CDC42BPA: variants seen among roughly 807,000 people sequenced by gnomAD.
The protein encoded by CDC42BPA is CDC42 binding protein kinase alpha.
CDC42BPA carries 80 observed loss-of-function variants against 223.5 expected under a neutral mutation model. The ratio of observed to expected loss-of-function variants is 0.36; its 90% CI spans 0.30 to 0.43. CDC42BPA has a LOEUF of 0.43. Among genes scored for constraint, CDC42BPA ranks in the 20% least tolerant of loss-of-function variants. The probability of loss-of-function intolerance (pLI) is 1.00; values close to 1 mark genes in which losing one functional copy is unlikely to be tolerated. For missense variants in CDC42BPA, 1,743 were observed against 2,099.9 expected (o/e 0.83, Z 3.32); for synonymous variants, 694 against 718.6 (o/e 0.97, Z 0.55).
chr1:227,038,032 T>C (rs1203140637), intron 24 of CDC42BPA, among the ~76,000 whole-genome samples: 1 of 152,212 alleles, frequency 6.6e-6, no homozygotes, highest in Admixed American at 6.5e-5. Flanking sequence ...CAATGCCTGA[T>C]ATGGTTTGGC....
intron 32 of CDC42BPA, among the ~76,000 whole-genome samples, chr1:227,018,132 G>A (rs1017460460): frequency 1.3e-5 from 2 of 151,622 alleles, no homozygotes; most frequent in African/African-American, 4.8e-5. Context: ...CTGCAGCCTC[G>A]ACCTCCTGGG....
rs114836371 is a variant in CDC42BPA at position 227,264,035 on chromosome 1, G to A, written c.179-9880C>T. ...TAACTTCTATTCTTTGGTCAGTGCA[G>A]AATATAATTTATACTTCCTGAAAGC... On this transcript the variant is annotated intron_variant, in intron 1 of 36. Transcript: ENST00000366766. Among the ~76,000 whole-genome samples the A allele has an allele frequency of 3.4e-3, 523 of 152,270 alleles. 3 individuals are homozygous for A. The highest frequency in any genetic ancestry group is 0.012 in the African/African-American group (500 of 41,554).
chr1:227,096,347 G>A (rs1228483745), intron 15 of CDC42BPA, among the ~76,000 whole-genome samples: 1 of 152,134 alleles, frequency 6.6e-6, no homozygotes, highest in Admixed American at 6.5e-5. Flanking sequence ...CATTAAACAA[G>A]CTTAAGTCTC....
At chr1:227,066,361 G>T (rs1348631648) in intron 21 of CDC42BPA, among the ~76,000 whole-genome samples, 1 of 150,660 alleles carries the variant, frequency 6.6e-6, no homozygotes, top group East Asian at 2.0e-4. Context: ...CCGCACTCCA[G>T]CCTGGTGACA....
chr1:227,112,632 C>G (rs1445962656), intron 13 of CDC42BPA, 39 bp downstream of exon 13: 7 of 1,584,384 alleles, frequency 4.4e-6, no homozygotes, highest in South Asian at 1.2e-5. Context: ...GCTTTAATCA[C>G]TATCCCATGG....
At chr1:227,238,856 G>A (rs1679542397) in intron 2 of CDC42BPA, among the ~76,000 whole-genome samples, 1 of 151,978 alleles carries the variant, frequency 6.6e-6, no homozygotes, top group Admixed American at 6.6e-5. Context: ...GAAACTACAG[G>A]GAAATACAGA....
intron 10 of CDC42BPA, among the ~76,000 whole-genome samples, chr1:227,132,768 C>A (rs1290538726): frequency 1.3e-5 from 2 of 151,214 alleles, no homozygotes; most frequent in African/African-American, 4.9e-5. Flanking sequence ...ATGTGGAGAG[C>A]GCCTCTGCCC....
rs1683351113 is a variant in CDC42BPA at position 227,092,960 on chromosome 1, C to T, written c.2250-969G>A. Among the ~76,000 whole-genome samples the T allele has an allele frequency of 2.0e-5, 3 of 152,138 alleles. No individual in the cohort carries two copies. In the South Asian group the frequency reaches 6.2e-4, roughly 32 times the overall value. ...ACTCTACCATAATCACGAAGCAATCCTCTCAATTTAAAAAAATCAACATTA... is the reference window on the plus strand; with the variant it reads ...ACTCTACCATAATCACGAAGCAATCTTCTCAATTTAAAAAAATCAACATTA... On this transcript the variant is annotated intron_variant, in intron 15 of 36. Transcript: ENST00000366766.
chr1:227,053,685 G>A (rs1247017112), intron 21 of CDC42BPA, among the ~76,000 whole-genome samples: 1 of 152,082 alleles, frequency 6.6e-6, no homozygotes, highest in Admixed American at 6.5e-5. Context: ...TAATAATCAA[G>A]GAGGCTAAGT....
chr1:227,206,345 A>G (rs891641589), intron 3 of CDC42BPA, among the ~76,000 whole-genome samples: 1 of 78,160 alleles, frequency 1.3e-5, no homozygotes, highest in Non-Finnish European at 3.1e-5. Context: ...AATCTGTGAA[A>G]TTATTGGACA....
intron 3 of CDC42BPA, among the ~76,000 whole-genome samples, chr1:227,209,939 T>C (rs1299631149): frequency 1.3e-5 from 2 of 149,756 alleles, no homozygotes; most frequent in African/African-American, 4.9e-5. Flanking sequence ...ATGGTACCAG[T>C]TCCTCCTTGT....
intron 16 of CDC42BPA, among the ~76,000 whole-genome samples, chr1:227,086,887 G>C (rs1178139407): frequency 6.6e-6 from 1 of 151,862 alleles, no homozygotes; most frequent in Non-Finnish European, 1.5e-5. Flanking sequence ...TTCCCAGATT[G>C]GTTTTGAACT....
At chr1:227,141,525 T>C (rs7365134) in intron 9 of CDC42BPA, among the ~76,000 whole-genome samples, 132,124 of 151,772 alleles carry the variant, frequency 0.87, 57,583 homozygotes, top group Middle Eastern at 0.93. Flanking sequence ...AATTTGGGTC[T>C]AACAGTAAGT....
intron 5 of CDC42BPA, among the ~76,000 whole-genome samples, chr1:227,168,495 G>GTGTTTTTTTTTTT (rs1558662704): frequency 1.3e-4 from 2 of 15,732 alleles, no homozygotes; most frequent in Non-Finnish European, 3.3e-4. Context: ...ATCTTCCCTG[G>GTGTTTTTTTTTTT]TGTTTTTTTT....
Position 226,994,522 on chromosome 1 carries a change from G to T in CDC42BPA, c.5134-123C>A. On this transcript the variant is annotated intron_variant, in intron 36 of 36. Transcript: ENST00000366766. This position sits in a 1 kb window ranked among gnomAD's most constrained non-coding sequence, Gnocchi z 4.0. ...AATAACCCCATGGGGCGGCCTCACT[G>T]TCGGTATAAAGCCCCTTCTATGAGC... 8.5e-7 allele frequency: 1 copy of T among 1,179,348 alleles called. No individual in the cohort carries two copies. The highest frequency in any genetic ancestry group is 1.7e-5 in the South Asian group (1 of 58,516). 73.1% of individuals were successfully genotyped at this position (1,179,348 alleles called of 1,614,324 possible). A position where few individuals can be genotyped will look rare whatever the true frequency, so the allele number is the denominator to read the frequency against.
chr1:227,018,202 C>T (rs954686888), intron 32 of CDC42BPA, among the ~76,000 whole-genome samples: 1 of 151,960 alleles, frequency 6.6e-6, no homozygotes, highest in Admixed American at 6.6e-5. Context: ...ACATGCGCCA[C>T]CATGCCCAGC....
At chr1:226,999,162 G>A (rs560485567) in intron 35 of CDC42BPA, among the ~76,000 whole-genome samples, 4 of 150,542 alleles carry the variant, frequency 2.7e-5, no homozygotes, top group Non-Finnish European at 5.9e-5. Context: ...TGGAGAGGAT[G>A]TGGAGAAATA....
intron 15 of CDC42BPA, among the ~76,000 whole-genome samples, chr1:227,100,137 C>T (rs544340851): frequency 2.0e-5 from 3 of 152,070 alleles, no homozygotes; most frequent in African/African-American, 7.2e-5. Context: ...TCTCCTGCTC[C>T]CTCATTTCTC....
intron 2 of CDC42BPA, among the ~76,000 whole-genome samples, chr1:227,230,180 A>G (rs1677576315): frequency 6.6e-6 from 1 of 152,320 alleles, no homozygotes; most frequent in African/African-American, 2.4e-5. Context: ...CCTGAAAGAG[A>G]AAGGTAGGGC....
Sources: gnomAD v4.1 joint callset for allele counts (sites outside exome capture counted in the v4.1 genomes callset) on GRCh38, gnomAD v4.1.1 for gene constraint, Gnocchi (gnomAD v3.1) non-coding constraint, MANE v1.5 for transcripts, NCBI Gene and HGNC (gene_info 2026-07-23, HGNC 2026-07-21) for gene names.